Variants in CRYL1 observed in about 807,000 individuals in gnomAD.
CRYL1 encodes the protein crystallin lambda 1.
Under a neutral mutation model 36.6 loss-of-function variants are expected in CRYL1, and 29 were observed. The observed-to-expected ratio is 0.79, with a 90% CI of 0.59 to 1.08. CRYL1 has a LOEUF of 1.08. CRYL1 is among the 50% of genes least tolerant of loss of function. The pLI is 0.00. For synonymous variants in CRYL1, 152 were observed against 151.5 expected (o/e 1.00, Z -0.02); for missense variants, 411 against 407.9 (o/e 1.01, Z -0.06).
At chr13:20,506,569 C>T (rs936796997) in intron 2 of CRYL1, among the ~76,000 whole-genome samples, 3 of 152,090 alleles carry the variant, frequency 2.0e-5, no homozygotes, top group African/African-American at 7.2e-5. Context: ...AACCCTCCAT[C>T]ATTCAGCATC....
At chr13:20,433,637 G>A (rs1006897641) in intron 4 of CRYL1, 2 of 154,114 alleles carry the variant, frequency 1.3e-5, no homozygotes, top group Admixed American at 1.3e-4. Context: ...TTATAGAAAC[G>A]CTTAACCTCT....
chr13:20,467,842 A>G (rs1436319569), intron 3 of CRYL1, among the ~76,000 whole-genome samples: 1 of 152,132 alleles, frequency 6.6e-6, no homozygotes, highest in African/African-American at 2.4e-5. Context: ...TCAGACTGGT[A>G]CCGGTCCCTG....
chr13:20,430,857 T>A, intron 5 of CRYL1: 10 of 985,060 alleles, frequency 1.0e-5, no homozygotes, highest in Non-Finnish European at 1.2e-5. Context: ...TTTAAATAAA[T>A]CTCCAAAAAG....
At position 20,482,739 on chromosome 13, in the gene CRYL1, C is replaced by CTGTGTG. The variant is rs148128861; in HGVS notation, c.276+6625_276+6630dup. Reference sequence around the variant, plus strand: ...TAGTTGAAGCATTGTGGCAAGCAGTCTGTGTGTGTGTGTGTGTGCGCGCGT... The same window carrying CTGTGTG: ...TAGTTGAAGCATTGTGGCAAGCAGTCTGTGTGTGTGTGTGTGTGTGTGTGCGCGCGT... On this transcript the variant is annotated intron_variant, in intron 3 of 7. Transcript: ENST00000298248. Among the ~76,000 whole-genome samples the CTGTGTG allele has an allele frequency of 0.21, 31,095 of 150,824 alleles. 3,494 individuals carry two copies. The highest frequency in any genetic ancestry group is 0.25 in the Middle Eastern group (73 of 292).
chr13:20,440,851 G>A (rs150796985), intron 3 of CRYL1, among the ~76,000 whole-genome samples: 1 of 152,304 alleles, frequency 6.6e-6, no homozygotes, highest in Admixed American at 6.5e-5. Flanking sequence ...ATTAAATGCT[G>A]CAGATAACGA....
At chr13:20,504,347 A>G (rs1373639559) in intron 2 of CRYL1, among the ~76,000 whole-genome samples, 1 of 123,232 alleles carries the variant, frequency 8.1e-6, no homozygotes, top group Non-Finnish European at 1.6e-5. Flanking sequence ...TCTGTCACCT[A>G]GGCTGGAGTG....
At chr13:20,484,984 A>T (rs1036371116) in intron 3 of CRYL1, among the ~76,000 whole-genome samples, 1 of 152,154 alleles carries the variant, frequency 6.6e-6, no homozygotes, top group Admixed American at 6.5e-5. Context: ...TTTGTTTGGT[A>T]AACCTGAGAC....
chr13:20,437,454 A>C (rs111733305), intron 4 of CRYL1, among the ~76,000 whole-genome samples: 1,659 of 151,990 alleles, frequency 0.011, 25 homozygotes, highest in African/African-American at 0.038. Context: ...ACTACAGGCG[A>C]CCGCCACCTC....
In CRYL1 at chr13:20,425,569, G is replaced by A. The variant is rs2031915108; in HGVS notation, c.633+6533C>T. Among the ~76,000 whole-genome samples, 1 of 152,202 alleles carries A rather than the reference G, an allele frequency of 6.6e-6. No homozygotes were observed. The highest frequency in any genetic ancestry group is 1.5e-5 in the Non-Finnish European group (1 of 68,038). On this transcript the variant is annotated intron_variant, in intron 5 of 7. Transcript: ENST00000298248. The surrounding 1 kb of genome is among the most constrained non-coding windows in gnomAD (Gnocchi z 4.4). ...CTTCCTGGGTATTCATGCAGAGGTG[G>A]AGAACTAGACCCATATGAATGTTGG... is the stretch of plus-strand genomic sequence containing the variant.
intron 3 of CRYL1, among the ~76,000 whole-genome samples, chr13:20,449,177 T>C (rs1169241783): frequency 2.0e-5 from 3 of 152,172 alleles, no homozygotes; most frequent in African/African-American, 7.2e-5. Context: ...AGAAATGAAA[T>C]AATTGAAGGT....
At chr13:20,426,211 A>G (rs531711980) in intron 5 of CRYL1, among the ~76,000 whole-genome samples, 2 of 151,760 alleles carry the variant, frequency 1.3e-5, no homozygotes, top group South Asian at 2.1e-4. Context: ...TCCTCTGTGC[A>G]GTTACAACCT....
intron 3 of CRYL1, among the ~76,000 whole-genome samples, chr13:20,456,638 A>ACACACACAC (rs5802075): frequency 0.13 from 17,256 of 137,498 alleles, 1,351 homozygotes; most frequent in Non-Finnish European, 0.15. Context: ...ACACACACAC[A>ACACACACAC]AAGACCACGA....
chr13:20,497,717 A>G (rs1376159316), intron 2 of CRYL1, among the ~76,000 whole-genome samples: 1 of 149,998 alleles, frequency 6.7e-6, no homozygotes, highest in African/African-American at 2.5e-5. Context: ...TACACACACC[A>G]CACAAACACA....
At chr13:20,427,904 G>A (rs868618624) in intron 5 of CRYL1, among the ~76,000 whole-genome samples, 1 of 151,882 alleles carries the variant, frequency 6.6e-6, no homozygotes, top group African/African-American at 2.4e-5. Context: ...ATGCTCTTAA[G>A]TTCAACGACT....
At chr13:20,511,731 C>A (rs1371351720) in intron 2 of CRYL1, among the ~76,000 whole-genome samples, 1 of 152,214 alleles carries the variant, frequency 6.6e-6, no homozygotes, top group Non-Finnish European at 1.5e-5. Context: ...ACGCGCCATG[C>A]GGTGAGGGTG....
At position 20,404,161 on chromosome 13, in the gene CRYL1, CGA is replaced by C; in HGVS notation, c.926_927del (p.Leu309ArgfsTer15). The C allele has an allele frequency of 1.2e-6, 2 of 1,613,742 alleles. No individual in the cohort carries two copies. The highest frequency in any genetic ancestry group is 1.7e-6 in the Non-Finnish European group (2 of 1,179,732). On this transcript the variant is annotated frameshift_variant, in exon 8 of 8. Transcript: ENST00000298248. LOFTEE classifies it high-confidence loss of function. ...RQWRDECLMR[L>X]AKLKSQVQPQ ...GGCTGCACTTGACTCTTCAACTTGG[CGA>C]GTCTCATGAGGCACTCGTCCCTCCA...
chr13:20,517,867 C>T (rs963327120), intron 1 of CRYL1, among the ~76,000 whole-genome samples: 48 of 134,240 alleles, frequency 3.6e-4, no homozygotes, highest in Non-Finnish European at 5.8e-4. Flanking sequence ...ACCCGGGAGG[C>T]GGAGCTTGCA....
intron 1 of CRYL1, among the ~76,000 whole-genome samples, chr13:20,521,514 C>T (rs943486105): frequency 6.6e-6 from 1 of 152,154 alleles, no homozygotes; most frequent in Non-Finnish European, 1.5e-5. Flanking sequence ...GAGCTTGTGA[C>T]ATCTTATTGG....
chr13:20,448,444 G>A (rs1016407302), intron 3 of CRYL1, among the ~76,000 whole-genome samples: 8 of 152,120 alleles, frequency 5.3e-5, no homozygotes, highest in African/African-American at 1.9e-4. Context: ...ATCCAAGAAG[G>A]TCAGAGAACA....
Sources: allele counts gnomAD v4.1 joint callset (sites outside exome capture counted in the v4.1 genomes callset), GRCh38; gene constraint gnomAD v4.1.1; non-coding constraint Gnocchi (gnomAD v3.1); transcripts MANE v1.5; gene names NCBI Gene and HGNC (gene_info 2026-07-23, HGNC 2026-07-21).